The following ARHGEF10L variants were observed in gnomAD, a reference collection of about 807,000 sequenced individuals.
ARHGEF10L encodes the protein Rho guanine nucleotide exchange factor 10 like, also known as rho guanine nucleotide exchange factor 10-like protein.
ARHGEF10L carries 69 observed loss-of-function variants against 141.2 expected under a neutral mutation model. That is an observed-to-expected ratio of 0.49 (90% CI 0.40 to 0.60). The LOEUF is 0.60. Ranked by LOEUF, ARHGEF10L falls within the 20% of genes least tolerant of loss-of-function variation. The pLI is 0.00. For synonymous variants in ARHGEF10L, 711 were observed against 718.5 expected, an observed-to-expected ratio of 0.99 and a Z score of 0.17; for missense variants, 1,482 against 1,734.3, an observed-to-expected ratio of 0.85 and a Z score of 2.58.
At chr1:17,681,592 A>G (rs543685994) in intron 26 of ARHGEF10L, among the ~76,000 whole-genome samples, 17 of 152,248 alleles carry the variant, frequency 1.1e-4, no homozygotes, top group African/African-American at 2.2e-4. Flanking sequence ...TTTCCTCCCA[A>G]TGAGCTGCCA....
chr1:17,587,691 T>G (rs1417986883), intron 3 of ARHGEF10L, 46 bp downstream of exon 3: 2 of 1,556,070 alleles, frequency 1.3e-6, no homozygotes, highest in Non-Finnish European at 1.7e-6. Flanking sequence ...ACAGGGAGCA[T>G]GGAGAACTGG....
Position 17,639,740 on chromosome 1 carries a change from A to T in ARHGEF10L, c.2172-462A>T. Reference sequence around the variant, plus strand: ...ACCTGATTCATTCATTTCTTCATTCATTCCTGTGTCCACTCAGCAAACATT... The same window carrying T: ...ACCTGATTCATTCATTTCTTCATTCTTTCCTGTGTCCACTCAGCAAACATT... On this transcript the variant is annotated intron_variant, in intron 20 of 28. Transcript: ENST00000361221. This position sits in a 1 kb window ranked among gnomAD's most constrained non-coding sequence, Gnocchi z 4.3. 1.3e-6 allele frequency: 1 copy of T among 796,932 alleles called. No homozygotes were observed. The highest frequency in any genetic ancestry group is 1.9e-6 in the Non-Finnish European group (1 of 539,850). 49.4% of individuals were successfully genotyped at this position (796,932 alleles called of 1,614,324 possible). A position where few individuals can be genotyped will look rare whatever the true frequency, so the allele number is the denominator to read the frequency against.
intron 1 of ARHGEF10L, among the ~76,000 whole-genome samples, chr1:17,549,699 C>T (rs1418554762): frequency 6.6e-6 from 1 of 152,134 alleles, no homozygotes; most frequent in East Asian, 1.9e-4. Context: ...ACTCTAGGTG[C>T]AAAAGGAAAC....
intron 1 of ARHGEF10L, among the ~76,000 whole-genome samples, chr1:17,568,951 A>G (rs943025070): frequency 2.0e-5 from 3 of 152,110 alleles, no homozygotes; most frequent in Non-Finnish European, 2.9e-5. Flanking sequence ...CCCAGTCCGC[A>G]TCTTCTCAGA....
chr1:17,519,842 C>CAA, the ARHGEF10L span, among the ~76,000 whole-genome samples: 1 of 137,476 alleles, frequency 7.3e-6, no homozygotes, highest in Admixed American at 7.4e-5. Flanking sequence ...GACTCCATCT[C>CAA]AAAAAAAAAA....
intron 7 of ARHGEF10L, 123 bp downstream of exon 7, chr1:17,608,100 TC>T (rs2081343927): frequency 7.6e-6 from 8 of 1,054,994 alleles, no homozygotes; most frequent in Non-Finnish European, 8.7e-6. Flanking sequence ...TCCCAGGGAT[TC>T]CCGGGTATGT....
chr1:17,540,091 C>G (rs1209695537), intron 1 of ARHGEF10L, 141 bp downstream of exon 1: 1 of 152,610 alleles, frequency 6.6e-6, no homozygotes, highest in Admixed American at 6.5e-5. Flanking sequence ...GGGCCGTGTC[C>G]GCCGCTGTGT....
chr1:17,663,629 G>C (rs2062783644), intron 25 of ARHGEF10L, among the ~76,000 whole-genome samples: 1 of 151,998 alleles, frequency 6.6e-6, no homozygotes, highest in Admixed American at 6.6e-5. Flanking sequence ...AAGAGAAAGA[G>C]ATCTTGGTAA....
intron 8 of ARHGEF10L, among the ~76,000 whole-genome samples, chr1:17,614,562 C>G (rs1054737656): frequency 6.6e-6 from 1 of 152,194 alleles, no homozygotes; most frequent in Non-Finnish European, 1.5e-5. Context: ...GAACTGGATT[C>G]TGGAACAGAG....
At chr1:17,528,544 C>CCCAT in the ARHGEF10L span, among the ~76,000 whole-genome samples, 5,115 of 152,022 alleles carry the variant, frequency 0.034, 129 homozygotes, top group Non-Finnish European at 0.045. Flanking sequence ...CATCCATCCA[C>CCCAT]CCATCCATCC....
intron 2 of ARHGEF10L, 121 bp downstream of exon 2, chr1:17,580,753 G>C (rs566155954): frequency 8.3e-7 from 1 of 1,204,740 alleles, no homozygotes; most frequent in African/African-American, 1.5e-5. Flanking sequence ...TCTGCTGGCT[G>C]CTGGCCCTGC....
intron 26 of ARHGEF10L, among the ~76,000 whole-genome samples, chr1:17,684,421 C>T (rs1192236725): frequency 3.9e-5 from 6 of 152,196 alleles, no homozygotes; most frequent in Admixed American, 3.9e-4. Context: ...GCATGGACTA[C>T]TAAACCTGAC....
chr1:17,623,303 T>C lies in ARHGEF10L; in HGVS notation c.1200+128T>C. 1 of 1,155,380 alleles carries C rather than the reference T, an allele frequency of 8.7e-7. No homozygotes were observed. Among genetic ancestry groups the C allele is most frequent in the Non-Finnish European group, 1.2e-6 (1 of 823,850 alleles). The allele number at this position is 1,155,380 out of a possible 1,614,324, so 71.6% of individuals were successfully genotyped here. Reference sequence around the variant, plus strand: ...TGTTCAAGTCAGTGGGATTAGAGGGTGGCAGGGTCTTCTGGGCCTGATCTA... The same window carrying C: ...TGTTCAAGTCAGTGGGATTAGAGGGCGGCAGGGTCTTCTGGGCCTGATCTA... On this transcript the variant is annotated intron_variant, in intron 12 of 28. Coordinates refer to ENST00000361221, the MANE Select transcript of ARHGEF10L (RefSeq NM_018125.4). This position sits in a 1 kb window ranked among gnomAD's most constrained non-coding sequence, Gnocchi z 4.7.
Position 17,654,641 on chromosome 1 carries a change from G to A in ARHGEF10L, c.2400G>A (p.Gly800=), listed in dbSNP as rs575658777. 2 of 1,614,128 alleles carry A rather than the reference G, an allele frequency of 1.2e-6. No homozygotes were observed. The highest frequency in any genetic ancestry group is 2.2e-5 in the South Asian group (2 of 91,078). Reference sequence around the variant, plus strand: ...TACCGTCTCTGTCTCTGCAGCTTGGGGCCCTGGTCCACAGTCCTGTCAACT... The same window carrying A: ...TACCGTCTCTGTCTCTGCAGCTTGGAGCCCTGGTCCACAGTCCTGTCAACT... ...FSSRALSLQL[G]ALVHSPVNCP... Residue 800 remains glycine, a synonymous_variant, in exon 23 of 29, where the codon GGG becomes GGA. Transcript: ENST00000361221. The surrounding 1 kb of genome is among the most constrained non-coding windows in gnomAD (Gnocchi z 4.3).
rs569655171 is a variant in ARHGEF10L at position 17,696,841 on chromosome 1, T to C, written c.3308-7T>C. 4 of 1,525,660 alleles carry C rather than the reference T, an allele frequency of 2.6e-6. No individual in the cohort carries two copies. The highest frequency in any genetic ancestry group is 3.5e-6 in the Non-Finnish European group (4 of 1,135,538). 94.5% of individuals were successfully genotyped at this position (1,525,660 alleles called of 1,614,324 possible). A position where few individuals can be genotyped will look rare whatever the true frequency, so the allele number is the denominator to read the frequency against. ...GGCCCCTTTCTCTCTCGCCCCATTTTCTGCAGGGAAAGGCATGGTCTCACT... is the reference window on the plus strand; with the variant it reads ...GGCCCCTTTCTCTCTCGCCCCATTTCCTGCAGGGAAAGGCATGGTCTCACT... On this transcript the variant is annotated splice_polypyrimidine_tract_variant and splice_region_variant and intron_variant, in intron 28 of 28. Transcript: ENST00000361221.
chr1:17,664,635 C>G (rs1369993961), intron 26 of ARHGEF10L, 40 bp downstream of exon 26: 2 of 1,480,258 alleles, frequency 1.4e-6, no homozygotes, highest in Admixed American at 2.3e-5. Context: ...TGGAGGCCTG[C>G]CTTCCTTTTG....
At position 17,625,646 on chromosome 1, in the gene ARHGEF10L, G is replaced by A. The variant is rs535048305; in HGVS notation, c.1318-310G>A. 6.6e-6 allele frequency among the ~76,000 whole-genome samples: 1 copy of A among 152,178 alleles called. No individual in the cohort carries two copies. Among genetic ancestry groups the A allele is most frequent in the South Asian group, 2.1e-4 (1 of 4,836 alleles). Reference sequence around the variant, plus strand: ...TTTAGTTTAAGTGGAGGGAATGGTTGCCTTGGCCACTTCTAGAAGTCTGAC... The same window carrying A: ...TTTAGTTTAAGTGGAGGGAATGGTTACCTTGGCCACTTCTAGAAGTCTGAC... On this transcript the variant is annotated intron_variant, in intron 13 of 28. Coordinates refer to ENST00000361221, the MANE Select transcript of ARHGEF10L (RefSeq NM_018125.4). The surrounding 1 kb of genome is among the most constrained non-coding windows in gnomAD (Gnocchi z 4.5).
intron 1 of ARHGEF10L, 120 bp from the exon 2 acceptor site, chr1:17,580,433 C>T (rs1486275500): frequency 1.3e-6 from 1 of 785,852 alleles, no homozygotes. Context: ...CTTTCTGGGG[C>T]TGCCCTGTGC....
At chr1:17,671,460 T>C (rs562335465) in intron 26 of ARHGEF10L, among the ~76,000 whole-genome samples, 15 of 152,316 alleles carry the variant, frequency 9.8e-5, no homozygotes, top group Non-Finnish European at 1.6e-4. Flanking sequence ...GTGAGAACCC[T>C]GCCTGGACCT....
Sources: gnomAD v4.1 joint callset for allele counts (sites outside exome capture counted in the v4.1 genomes callset) on GRCh38, gnomAD v4.1.1 for gene constraint, Gnocchi (gnomAD v3.1) non-coding constraint, MANE v1.5 for transcripts, NCBI Gene and HGNC (gene_info 2026-07-23, HGNC 2026-07-21) for gene names.